INPP5A: variants seen among roughly 807,000 people sequenced by gnomAD.
The protein encoded by INPP5A is 43 kDa inositol polyphosphate 5-phophatase.
A neutral mutation model predicts 65.2 loss-of-function variants in INPP5A; 14 were observed. The observed-to-expected ratio is 0.21, with a 90% CI of 0.14 to 0.34. The LOEUF (loss-of-function observed/expected upper bound fraction) is 0.34. Ranked by LOEUF, INPP5A falls within the 10% of genes least tolerant of loss-of-function variation. The pLI is 1.00. For missense variants in INPP5A, 431 were observed against 545.6 expected (o/e 0.79, Z 2.09); for synonymous variants, 207 against 208.3 (o/e 0.99, Z 0.05).
At chr10:132,635,386 A>AATTTTTTTTTT (rs2072331987) in intron 2 of INPP5A, among the ~76,000 whole-genome samples, 14 of 54,518 alleles carry the variant, frequency 2.6e-4, no homozygotes, top group African/African-American at 1.0e-3. Context: ...CTTTTTAAAG[A>AATTTTTTTTTT]TTTTTTTTTT....
At chr10:132,708,407 T>C in intron 7 of INPP5A, 42 bp downstream of exon 7, 4 of 1,575,726 alleles carry the variant, frequency 2.5e-6, no homozygotes, top group Non-Finnish European at 3.5e-6. Context: ...TAACGTTTCT[T>C]ACCCTTTTAT....
intron 7 of INPP5A, chr10:132,708,620 C>T: frequency 1.7e-6 from 1 of 587,410 alleles, no homozygotes; most frequent in South Asian, 1.7e-5. Flanking sequence ...CCCAGTCCCT[C>T]CCCGCAGCTG....
rs960710368 is a variant in INPP5A, at chr10:132,555,453, C to G, written c.75+17282C>G. Among the ~76,000 whole-genome samples, 1 of 151,876 alleles carries G rather than the reference C, an allele frequency of 6.6e-6. No individual in the cohort carries two copies. Among genetic ancestry groups the G allele is most frequent in the South Asian group, 2.1e-4 (1 of 4,808 alleles). On this transcript the variant is annotated intron_variant, in intron 1 of 15. Transcript: ENST00000368594. The surrounding 1 kb of genome is among the most constrained non-coding windows in gnomAD (Gnocchi z 4.4). ...GGAAGAAGGGGGGCTTGGGCTGGGG[C>G]GTGGCCACGCTGGGAGGATGAGGAG...
chr10:132,595,446 T>G (rs1269388956), intron 1 of INPP5A, among the ~76,000 whole-genome samples: 1 of 152,260 alleles, frequency 6.6e-6, no homozygotes, highest in Non-Finnish European at 1.5e-5. Context: ...AACTGTGTAG[T>G]TCACTGCCGT....
At chr10:132,588,378 G>T (rs931786459) in intron 1 of INPP5A, among the ~76,000 whole-genome samples, 1 of 152,194 alleles carries the variant, frequency 6.6e-6, no homozygotes, top group Non-Finnish European at 1.5e-5. Flanking sequence ...CCTTTCTCAC[G>T]GGCCTTCCTC....
chr10:132,775,964 C>T (rs1847056485), intron 12 of INPP5A, among the ~76,000 whole-genome samples: 1 of 151,998 alleles, frequency 6.6e-6, no homozygotes. Context: ...CATGTGTGTC[C>T]GGGGGGCAGT....
In INPP5A at chr10:132,704,636, G is replaced by A. The variant is rs1432764464; in HGVS notation, c.475-3677G>A. Reference sequence around the variant, plus strand: ...CCACTGCCTTGAGGCCCTGGGTGCTGCTGGTGTGGATCCTGTGCGTGGCTG... The same window carrying A: ...CCACTGCCTTGAGGCCCTGGGTGCTACTGGTGTGGATCCTGTGCGTGGCTG... On this transcript the variant is annotated intron_variant, in intron 6 of 15. Transcript: ENST00000368594. This position sits in a 1 kb window ranked among gnomAD's most constrained non-coding sequence, Gnocchi z 4.5. Among the ~76,000 whole-genome samples the A allele has an allele frequency of 2.6e-5, 4 of 152,240 alleles. No individual in the cohort carries two copies. The highest frequency in any genetic ancestry group is 5.9e-5 in the Non-Finnish European group (4 of 68,048).
rs1397917293 is a variant in INPP5A, at chr10:132,627,581, C to T, written c.118-18287C>T. On this transcript the variant is annotated intron_variant, in intron 2 of 15. Transcript: ENST00000368594. The surrounding 1 kb of genome is among the most constrained non-coding windows in gnomAD (Gnocchi z 6.6). ...GTCCCCAGCTGCCAGCAACGTGCAGCGGATGACAAGTGAAATGAACGAGGG... is the reference window on the plus strand; with the variant it reads ...GTCCCCAGCTGCCAGCAACGTGCAGTGGATGACAAGTGAAATGAACGAGGG... Among the ~76,000 whole-genome samples, 1 of 152,164 alleles carries T rather than the reference C, an allele frequency of 6.6e-6. No homozygotes were observed. The highest frequency in any genetic ancestry group is 6.5e-5 in the Admixed American group (1 of 15,286).
rs544352405 is a variant in INPP5A, at chr10:132,676,631, C to T, written c.307-13761C>T. Among the ~76,000 whole-genome samples, 46 of 152,286 alleles carry T rather than the reference C, an allele frequency of 3.0e-4. No individual in the cohort carries two copies. In the South Asian group the frequency reaches 6.8e-3, roughly 23 times the overall value. ...CAGACTGCTGTCCCGGCCAGTGCTC[C>T]GCTCCCTGCGCCCCTGATGAGATGG... On this transcript the variant is annotated intron_variant, in intron 4 of 15. Coordinates refer to ENST00000368594, the MANE Select transcript of INPP5A (RefSeq NM_005539.5). This position sits in a 1 kb window ranked among gnomAD's most constrained non-coding sequence, Gnocchi z 4.0.
intron 4 of INPP5A, among the ~76,000 whole-genome samples, chr10:132,671,503 G>A (rs534491634): frequency 6.8e-4 from 104 of 152,164 alleles, no homozygotes; most frequent in African/African-American, 2.1e-3. Flanking sequence ...TTTCTGCTTC[G>A]GTATCTACCT....
intron 2 of INPP5A, among the ~76,000 whole-genome samples, chr10:132,641,965 C>T (rs2133385898): frequency 6.6e-6 from 1 of 152,346 alleles, no homozygotes; most frequent in South Asian, 2.1e-4. Flanking sequence ...GTGTGGAGCA[C>T]ACCAGCAGGG....
intron 8 of INPP5A, among the ~76,000 whole-genome samples, chr10:132,715,332 C>A (rs1011583238): frequency 1.3e-5 from 2 of 152,160 alleles, no homozygotes; most frequent in Non-Finnish European, 2.9e-5. Flanking sequence ...CCTTTGTCCC[C>A]CCATTATTTT....
Position 132,538,395 on chromosome 10 carries a change from C to T in INPP5A, c.75+224C>T, listed in dbSNP as rs2070868821. ...AGCCCGAGACCTGAAGACCTGGGCC[C>T]TGAATCCCCGAACCCCATCCTCCAG... On this transcript the variant is annotated intron_variant, in intron 1 of 15. Coordinates refer to ENST00000368594, the MANE Select transcript of INPP5A (RefSeq NM_005539.5). This position sits in a 1 kb window ranked among gnomAD's most constrained non-coding sequence, Gnocchi z 4.1. 6.6e-6 allele frequency among the ~76,000 whole-genome samples: 1 copy of T among 152,174 alleles called. No individual in the cohort carries two copies. The highest frequency in any genetic ancestry group is 6.5e-5 in the Admixed American group (1 of 15,284).
intron 1 of INPP5A, among the ~76,000 whole-genome samples, chr10:132,593,133 C>T (rs2071639690): frequency 6.6e-6 from 1 of 152,144 alleles, no homozygotes; most frequent in African/African-American, 2.4e-5. Context: ...AAGATGAGAC[C>T]CACCCAGGAT....
intron 11 of INPP5A, among the ~76,000 whole-genome samples, chr10:132,760,009 C>T (rs11146508): frequency 0.034 from 5,126 of 152,338 alleles, 125 homozygotes; most frequent in African/African-American, 0.058. Context: ...ACGCCGTGGA[C>T]CCTGGCGGCC....
At chr10:132,723,284 C>T (rs1564984177) in intron 8 of INPP5A, among the ~76,000 whole-genome samples, 4 of 152,368 alleles carry the variant, frequency 2.6e-5, no homozygotes, top group South Asian at 2.1e-4. Flanking sequence ...AGAGGAAACT[C>T]GGTCAGTGGA....
intron 1 of INPP5A, among the ~76,000 whole-genome samples, chr10:132,593,246 TC>T (rs1331309747): frequency 6.6e-6 from 1 of 152,072 alleles, no homozygotes; most frequent in Non-Finnish European, 1.5e-5. Flanking sequence ...CGCGCCGTCT[TC>T]CCCGGTTCAT....
intron 2 of INPP5A, among the ~76,000 whole-genome samples, chr10:132,628,464 G>T (rs75845437): frequency 1.4e-4 from 6 of 42,584 alleles, no homozygotes; most frequent in Non-Finnish European, 2.3e-4. Flanking sequence ...CTCTGGTGGC[G>T]GGGGGGGGGG....
At chr10:132,620,532 A>G (rs191412955) in intron 2 of INPP5A, among the ~76,000 whole-genome samples, 3 of 152,320 alleles carry the variant, frequency 2.0e-5, no homozygotes, top group Non-Finnish European at 2.9e-5. Context: ...TCAAATTTCC[A>G]TTGATCTCTA....
Sources: gnomAD v4.1 joint callset for allele counts (sites outside exome capture counted in the v4.1 genomes callset) on GRCh38, gnomAD v4.1.1 for gene constraint, Gnocchi (gnomAD v3.1) non-coding constraint, MANE v1.5 for transcripts, NCBI Gene and HGNC (gene_info 2026-07-23, HGNC 2026-07-21) for gene names.